Variants in CCDC146 observed in about 807,000 individuals in gnomAD.
CCDC146 encodes coiled-coil domain-containing protein 146.
Under a neutral mutation model 119.3 loss-of-function variants are expected in CCDC146, and 92 were observed. That is an observed-to-expected ratio of 0.77 (90% CI 0.65 to 0.92). The LOEUF (loss-of-function observed/expected upper bound fraction) is 0.92, where lower values mean the gene tolerates loss of function less well. Ranked by LOEUF, CCDC146 falls within the 40% of genes least tolerant of loss-of-function variation. The probability of loss-of-function intolerance (pLI) is 0.00; values close to 1 mark genes in which losing one functional copy is unlikely to be tolerated. For synonymous variants in CCDC146, 372 were observed against 371.8 expected, an observed-to-expected ratio of 1.00 and a Z score of -0.01; for missense variants, 1,000 against 1,103.0, an observed-to-expected ratio of 0.91 and a Z score of 1.32.
intron 2 of CCDC146, among the ~76,000 whole-genome samples, chr7:77,208,068 C>G (rs1792111977): frequency 6.6e-6 from 1 of 152,146 alleles, no homozygotes; most frequent in African/African-American, 2.4e-5. Flanking sequence ...CAAGCCAGAC[C>G]CAGCCTTGGG....
At position 77,254,493 on chromosome 7, in the gene CCDC146, T is replaced by A; in HGVS notation, c.450-13T>A. The A allele has an allele frequency of 6.9e-7, 1 of 1,442,310 alleles. No individual in the cohort carries two copies. The highest frequency in any genetic ancestry group is 9.6e-7 in the Non-Finnish European group (1 of 1,045,064). The allele number at this position is 1,442,310 out of a possible 1,614,324, so 89.3% of individuals were successfully genotyped here. A position where few individuals can be genotyped will look rare whatever the true frequency, so the allele number is the denominator to read the frequency against. On this transcript the variant is annotated splice_polypyrimidine_tract_variant and intron_variant, in intron 4 of 18. Coordinates refer to ENST00000285871, the MANE Select transcript of CCDC146 (RefSeq NM_020879.3). ...CTTTGTACTTTTTCAAACTTGATTT[T>A]TTTTTTTTGCAGCTTAAAGGAAGAA... is the stretch of plus-strand genomic sequence containing the variant.
chr7:77,291,409 T>TAA (rs199545071), intron 17 of CCDC146, among the ~76,000 whole-genome samples: 2 of 146,590 alleles, frequency 1.4e-5, no homozygotes, highest in Non-Finnish European at 3.0e-5. Context: ...ATTAATAGGT[T>TAA]AAAAAAAAAA....
At position 77,294,850 on chromosome 7, in the gene CCDC146, A is replaced by AT; in HGVS notation, c.2852_2853insT (p.Lys951AsnfsTer4). Reference sequence around the variant, plus strand: ...AGGCACATAAGGAAACCTGTTATAAAGCCAGTTGAAATCTGAATATGTGAA... The same window carrying AT: ...AGGCACATAAGGAAACCTGTTATAAATGCCAGTTGAAATCTGAATATGTGAA... On this transcript the variant is annotated frameshift_variant, in exon 19 of 19. Transcript: ENST00000285871. LOFTEE classifies it high-confidence loss of function. The AT allele has an allele frequency of 6.2e-7, 1 of 1,613,786 alleles. No individual in the cohort carries two copies. The highest frequency in any genetic ancestry group is 1.1e-5 in the South Asian group (1 of 91,058).
In CCDC146 at chr7:77,262,110, A is replaced by G; in HGVS notation, c.987-11A>G. 6.4e-7 allele frequency: 1 copy of G among 1,572,054 alleles called. No individual in the cohort carries two copies. Among genetic ancestry groups the G allele is most frequent in the Non-Finnish European group, 8.6e-7 (1 of 1,159,566 alleles). ...AAAATCATTTTCTTCTTCTTCCTTT[A>G]CCTGGAACAGAGGGATCTTGGATCT... On this transcript the variant is annotated splice_polypyrimidine_tract_variant and intron_variant, in intron 8 of 18. Coordinates refer to ENST00000285871, the MANE Select transcript of CCDC146 (RefSeq NM_020879.3).
intron 2 of CCDC146, among the ~76,000 whole-genome samples, chr7:77,228,551 G>T (rs928581178): frequency 1.3e-5 from 2 of 152,124 alleles, no homozygotes; most frequent in African/African-American, 4.8e-5. Flanking sequence ...TCTTCATCCA[G>T]TCTATCACTG....
intron 5 of CCDC146, among the ~76,000 whole-genome samples, chr7:77,255,671 G>A (rs943286560): frequency 5.9e-5 from 9 of 152,168 alleles, no homozygotes; most frequent in Admixed American, 1.3e-4. Flanking sequence ...CCAGCACTTC[G>A]TCATTAGTAA....
intron 2 of CCDC146, among the ~76,000 whole-genome samples, chr7:77,233,943 C>T (rs1184178593): frequency 6.6e-6 from 1 of 151,416 alleles, no homozygotes; most frequent in African/African-American, 2.4e-5. Context: ...CAAACTTTGG[C>T]CTACCTTAAG....
At chr7:77,225,074 T>C (rs1367463831) in intron 2 of CCDC146, among the ~76,000 whole-genome samples, 1 of 152,128 alleles carries the variant, frequency 6.6e-6, no homozygotes, top group Non-Finnish European at 1.5e-5. Flanking sequence ...GATGAGCAAA[T>C]TTATAGGTTG....
chr7:77,205,240 C>T (rs945222276), intron 2 of CCDC146, among the ~76,000 whole-genome samples: 1 of 152,122 alleles, frequency 6.6e-6, no homozygotes, highest in Non-Finnish European at 1.5e-5. Context: ...AATACTGAAC[C>T]ATTGCTCCTA....
Position 77,273,795 on chromosome 7 carries a change from T to C in CCDC146, c.1269+6T>C, listed in dbSNP as rs1181738141. On this transcript the variant is annotated splice_donor_region_variant and intron_variant, in intron 10 of 18. Coordinates refer to ENST00000285871, the MANE Select transcript of CCDC146 (RefSeq NM_020879.3). ...AGAGGAATTTGGCCCAACAGGTTAATATCAATGCTCATTTAAGCTTCTATC... is the reference window on the plus strand; with the variant it reads ...AGAGGAATTTGGCCCAACAGGTTAACATCAATGCTCATTTAAGCTTCTATC... 2.5e-6 allele frequency: 4 copies of C among 1,571,620 alleles called. No homozygotes were observed. In the East Asian group the frequency reaches 6.7e-5, roughly 26 times the overall value.
At chr7:77,144,043 C>CA in intron 1 of CCDC146, among the ~76,000 whole-genome samples, 1 of 151,898 alleles carries the variant, frequency 6.6e-6, no homozygotes, top group East Asian at 1.9e-4. Context: ...TCTTCCTATC[C>CA]ATGAGCATGG....
intron 9 of CCDC146, among the ~76,000 whole-genome samples, chr7:77,264,126 A>G (rs2150520312): frequency 6.6e-6 from 1 of 152,264 alleles, no homozygotes; most frequent in East Asian, 1.9e-4. Flanking sequence ...ATTTATTTGT[A>G]TCACTCTGAA....
chr7:77,187,849 G>C (rs1416856243), intron 2 of CCDC146, among the ~76,000 whole-genome samples: 1 of 152,084 alleles, frequency 6.6e-6, no homozygotes. Flanking sequence ...CTGCTTAAGT[G>C]GTTTTTTCAT....
intron 2 of CCDC146, among the ~76,000 whole-genome samples, chr7:77,226,633 A>T (rs1212831643): frequency 6.6e-6 from 1 of 152,232 alleles, no homozygotes; most frequent in Non-Finnish European, 1.5e-5. Flanking sequence ...TCAATAACAC[A>T]GAATCTATTG....
At chr7:77,224,751 G>T (rs1792472992) in intron 2 of CCDC146, among the ~76,000 whole-genome samples, 1 of 152,188 alleles carries the variant, frequency 6.6e-6, no homozygotes. Flanking sequence ...AATTCTGAAG[G>T]TGATGAGGTC....
chr7:77,140,621 T>C (rs12666437), intron 1 of CCDC146, among the ~76,000 whole-genome samples: 27,016 of 152,026 alleles, frequency 0.18, 2,956 homozygotes, highest in East Asian at 0.27. Flanking sequence ...ACAGGCCCCA[T>C]CTGGAAATAT....
chr7:77,206,648 C>CATATATAT (rs59790661), intron 2 of CCDC146, among the ~76,000 whole-genome samples: 11 of 139,196 alleles, frequency 7.9e-5, no homozygotes, highest in Non-Finnish European at 1.2e-4. Context: ...AAGAAACATA[C>CATATATAT]ATATATATAT....
chr7:77,207,067 G>C (rs1792095296), intron 2 of CCDC146, among the ~76,000 whole-genome samples: 1 of 152,050 alleles, frequency 6.6e-6, no homozygotes, highest in Non-Finnish European at 1.5e-5. Context: ...AATGTTAATT[G>C]AAAGGCCATT....
intron 2 of CCDC146, among the ~76,000 whole-genome samples, chr7:77,171,971 G>C (rs1445361365): frequency 6.6e-6 from 1 of 152,174 alleles, no homozygotes; most frequent in Non-Finnish European, 1.5e-5. Flanking sequence ...ATAATTTATA[G>C]TTATTAATTG....
Sources: gnomAD v4.1 joint callset for allele counts (sites outside exome capture counted in the v4.1 genomes callset) on GRCh38, gnomAD v4.1.1 for gene constraint, MANE v1.5 for transcripts, NCBI Gene and HGNC (gene_info 2026-07-23, HGNC 2026-07-21) for gene names.